SYN3: variants seen among roughly 807,000 people sequenced by gnomAD.
SYN3 encodes the protein synapsin III, also known as synapsin-3.
SYN3 carries 35 observed loss-of-function variants against 65.8 expected under a neutral mutation model. The ratio of observed to expected loss-of-function variants is 0.53; its 90% CI spans 0.41 to 0.70. SYN3 has a LOEUF of 0.70. Among genes scored for constraint, SYN3 ranks in the 30% least tolerant of loss-of-function variants. The pLI is 0.00. For synonymous variants in SYN3, 270 were observed against 292.9 expected, an observed-to-expected ratio of 0.92 and a Z score of 0.80; for missense variants, 680 against 749.0, an observed-to-expected ratio of 0.91 and a Z score of 1.08.
rs745334028 is a variant in SYN3, at chr22:32,664,654, G to A, written c.712-67918C>T. Among the ~76,000 whole-genome samples, 945 of 140,970 alleles carry A rather than the reference G, an allele frequency of 6.7e-3. 5 individuals carry two copies. The highest frequency in any genetic ancestry group is 0.039 in the Middle Eastern group (10 of 254). 92.5% of individuals were successfully genotyped at this position (140,970 alleles called of 152,430 possible). On this transcript the variant is annotated intron_variant, in intron 6 of 13. Transcript: ENST00000358763. Reference sequence around the variant, plus strand: ...CGCCCAGGCTGGAGTGCAGTGGTGCGATCTCGGCTCACTGCAAGCTCCGCC... The same window carrying A: ...CGCCCAGGCTGGAGTGCAGTGGTGCAATCTCGGCTCACTGCAAGCTCCGCC...
At chr22:32,794,844 T>A (rs2046394246) in intron 6 of SYN3, among the ~76,000 whole-genome samples, 1 of 152,154 alleles carries the variant, frequency 6.6e-6, no homozygotes, top group Non-Finnish European at 1.5e-5. Flanking sequence ...AATACGTGAT[T>A]CCTGGCAGAT....
intron 2 of SYN3, among the ~76,000 whole-genome samples, chr22:32,997,872 C>T (rs1315167321): frequency 1.3e-5 from 2 of 151,786 alleles, no homozygotes; most frequent in African/African-American, 4.8e-5. Flanking sequence ...CTAAAAAATA[C>T]AAAAATTAGC....
chr22:32,771,271 G>T (rs1019687774), intron 6 of SYN3, among the ~76,000 whole-genome samples: 8 of 152,192 alleles, frequency 5.3e-5, no homozygotes, highest in African/African-American at 1.7e-4. Flanking sequence ...GTATTCCATG[G>T]TATATAACCA....
intron 1 of SYN3, among the ~76,000 whole-genome samples, chr22:33,029,359 T>G (rs1016917544): frequency 1.3e-5 from 2 of 152,052 alleles, no homozygotes; most frequent in African/African-American, 2.4e-5. Context: ...TTTATTTTTA[T>G]TTTTGTAGAG....
chr22:32,508,263 T>A lies in SYN3; in HGVS notation c.*5429A>T, dbSNP rs1268761921. Among the ~76,000 whole-genome samples the A allele has an allele frequency of 3.3e-5, 5 of 152,114 alleles. No homozygotes were observed. Among genetic ancestry groups the A allele is most frequent in the Non-Finnish European group, 4.4e-5 (3 of 68,020 alleles). ...GAGTGATTAACCCTGTAAATTTCCTTCTTCTGGCTCAGAAGCTCCCGCACT... is the reference window on the plus strand; with the variant it reads ...GAGTGATTAACCCTGTAAATTTCCTACTTCTGGCTCAGAAGCTCCCGCACT... On this transcript the variant is annotated 3_prime_UTR_variant, in exon 14 of 14. Transcript: ENST00000358763.
chr22:32,807,199 A>G (rs1452800065), intron 6 of SYN3, among the ~76,000 whole-genome samples: 3 of 148,736 alleles, frequency 2.0e-5, no homozygotes, highest in Admixed American at 6.8e-5. Context: ...GAGTCTTGGA[A>G]CCTTGAAATG....
chr22:32,517,352 A>G (rs989170868), intron 13 of SYN3, among the ~76,000 whole-genome samples: 3 of 152,314 alleles, frequency 2.0e-5, no homozygotes, highest in African/African-American at 7.2e-5. Flanking sequence ...ATGAGACCCC[A>G]TGGAGAGAAA....
chr22:33,014,320 A>C (rs2053418481), intron 1 of SYN3: 1 of 152,186 alleles, frequency 6.6e-6, no homozygotes, highest in Non-Finnish European at 1.5e-5. Context: ...TCCATATCTT[A>C]GCTACTGGGT....
chr22:32,802,063 C>T, intron 6 of SYN3: 1 of 1,576,856 alleles, frequency 6.3e-7, no homozygotes, highest in East Asian at 2.3e-5. Context: ...GACTGGGGCG[C>T]CGAGGCGTGC....
chr22:32,554,403 T>C (rs1235622175), intron 7 of SYN3, among the ~76,000 whole-genome samples: 2 of 152,124 alleles, frequency 1.3e-5, no homozygotes, highest in African/African-American at 4.8e-5. Flanking sequence ...CACCTTCACC[T>C]CTCTGAAATT....
At chr22:32,632,309 C>A (rs866468492) in intron 6 of SYN3, among the ~76,000 whole-genome samples, 1 of 152,188 alleles carries the variant, frequency 6.6e-6, no homozygotes, top group Non-Finnish European at 1.5e-5. Flanking sequence ...GTCCACTGGG[C>A]AGTGTGCTAT....
chr22:32,611,621 T>C (rs2059447449), intron 6 of SYN3, among the ~76,000 whole-genome samples: 1 of 152,042 alleles, frequency 6.6e-6, no homozygotes, highest in Non-Finnish European at 1.5e-5. Flanking sequence ...ATTATTGGGG[T>C]GAGCAAGATC....
chr22:32,510,835 G>A lies in SYN3; in HGVS notation c.*2857C>T, dbSNP rs373280028. 6.4e-4 allele frequency among the ~76,000 whole-genome samples: 98 copies of A among 152,180 alleles called. No homozygotes were observed. The highest frequency in any genetic ancestry group is 8.8e-4 in the Non-Finnish European group (60 of 68,012). On this transcript the variant is annotated 3_prime_UTR_variant, in exon 14 of 14. Coordinates refer to ENST00000358763, the MANE Select transcript of SYN3 (RefSeq NM_003490.4). Reference sequence around the variant, plus strand: ...AGGCTGGTATTCTGGTTCTTTCATCGTGTGACTTATACTAGTGATCCCTAT... The same window carrying A: ...AGGCTGGTATTCTGGTTCTTTCATCATGTGACTTATACTAGTGATCCCTAT...
At chr22:33,013,793 T>C (rs149832283) in intron 1 of SYN3, among the ~76,000 whole-genome samples, 11 of 152,198 alleles carry the variant, frequency 7.2e-5, no homozygotes, top group African/African-American at 2.7e-4. Context: ...TGGTTTTAGA[T>C]GCCACTTACA....
chr22:33,000,497 C>T (rs1825316777), intron 2 of SYN3, among the ~76,000 whole-genome samples: 1 of 152,190 alleles, frequency 6.6e-6, no homozygotes, highest in Admixed American at 6.5e-5. Context: ...CTGGACACAT[C>T]AGGCAGGGAA....
chr22:32,752,463 A>G (rs2045157211), intron 6 of SYN3, among the ~76,000 whole-genome samples: 1 of 152,170 alleles, frequency 6.6e-6, no homozygotes. Context: ...CAGCCCCCTC[A>G]GCACAAGGTT....
At chr22:32,528,428 C>T (rs566181200) in intron 11 of SYN3, among the ~76,000 whole-genome samples, 24 of 152,120 alleles carry the variant, frequency 1.6e-4, no homozygotes, top group African/African-American at 5.3e-4. Context: ...AGGGGAGGAG[C>T]GACGTGGGAG....
intron 1 of SYN3, among the ~76,000 whole-genome samples, chr22:33,009,761 CA>C (rs2053302453): frequency 9.1e-6 from 1 of 109,392 alleles, no homozygotes; most frequent in Non-Finnish European, 2.0e-5. Flanking sequence ...AACACACACA[CA>C]CACACACACA....
intron 6 of SYN3, among the ~76,000 whole-genome samples, chr22:32,628,394 G>T (rs548897714): frequency 6.6e-6 from 1 of 152,220 alleles, no homozygotes; most frequent in East Asian, 1.9e-4. Flanking sequence ...GGAGGAAGAG[G>T]CCCTGGAAGG....
Sources: gnomAD v4.1 joint callset for allele counts (sites outside exome capture counted in the v4.1 genomes callset) on GRCh38, gnomAD v4.1.1 for gene constraint, MANE v1.5 for transcripts, NCBI Gene and HGNC (gene_info 2026-07-23, HGNC 2026-07-21) for gene names.